SRFBP1: variants seen among roughly 807,000 people sequenced by gnomAD.
SRFBP1 encodes the protein serum response factor binding protein 1.
Under a neutral mutation model 45.5 loss-of-function variants are expected in SRFBP1, and 47 were observed. The ratio of observed to expected loss-of-function variants is 1.03; its 90% CI spans 0.82 to 1.32. SRFBP1 has a LOEUF of 1.32. Among genes scored for constraint, SRFBP1 ranks in the 40% most tolerant of loss-of-function variants. The pLI is 0.00. For missense variants in SRFBP1, 621 were observed against 484.6 expected (o/e 1.28, Z -2.64); for synonymous variants, 203 against 166.3 (o/e 1.22, Z -1.70).
chr5:122,034,147 TG>T (rs1213114401), intron 2 of SRFBP1, among the ~76,000 whole-genome samples: 4 of 152,292 alleles, frequency 2.6e-5, no homozygotes, highest in Middle Eastern at 3.4e-3. Context: ...TCTAAATAAT[TG>T]TTTTAGGTGT....
intron 2 of SRFBP1, among the ~76,000 whole-genome samples, chr5:122,059,614 A>G (rs536592859): frequency 6.6e-6 from 1 of 152,136 alleles, no homozygotes; most frequent in African/African-American, 2.4e-5. Flanking sequence ...ACTACTTGTT[A>G]CTCTCATTCA....
At chr5:122,074,851 C>CT (rs1561419773) in intron 2 of SRFBP1, among the ~76,000 whole-genome samples, 1 of 152,114 alleles carries the variant, frequency 6.6e-6, no homozygotes, top group East Asian at 1.9e-4. Context: ...TGAGGATTTC[C>CT]TGAAAATAAA....
intron 4 of SRFBP1, among the ~76,000 whole-genome samples, chr5:122,003,518 G>A (rs1374470535): frequency 6.6e-6 from 1 of 151,944 alleles, no homozygotes; most frequent in African/African-American, 2.4e-5. Flanking sequence ...TTGGTTTTTT[G>A]CCATATATGT....
At chr5:121,991,959 T>C (rs959325025) in intron 3 of SRFBP1, among the ~76,000 whole-genome samples, 1 of 152,202 alleles carries the variant, frequency 6.6e-6, no homozygotes, top group African/African-American at 2.4e-5. Flanking sequence ...AAGGTAAATG[T>C]CTAATTATTG....
At chr5:122,076,952 G>A (rs1754655630), downstream of SRFBP1, 5 of 1,613,898 alleles carry the variant, frequency 3.1e-6, no homozygotes, top group African/African-American at 4.0e-5. Flanking sequence ...TCTTCTGCAC[G>A]TACGTGGACG....
intron 4 of SRFBP1, among the ~76,000 whole-genome samples, chr5:122,001,068 T>C (rs1752855535): frequency 6.6e-6 from 1 of 152,110 alleles, no homozygotes; most frequent in Non-Finnish European, 1.5e-5. Flanking sequence ...TCCAAGCTCT[T>C]AAGTTTTTCT....
intron 4 of SRFBP1, among the ~76,000 whole-genome samples, chr5:121,999,233 T>C (rs1325517001): frequency 6.6e-6 from 1 of 152,180 alleles, no homozygotes; most frequent in Non-Finnish European, 1.5e-5. Flanking sequence ...TGATTCATGG[T>C]TTAATTCGAA....
chr5:121,982,168 T>C (rs1285802796), intron 3 of SRFBP1, among the ~76,000 whole-genome samples: 1 of 151,966 alleles, frequency 6.6e-6, no homozygotes, highest in African/African-American at 2.4e-5. Context: ...ACCATATAAC[T>C]TCAAATTTAA....
In SRFBP1 at chr5:122,052,880, T is replaced by C. The variant is rs115729313; in HGVS notation, n.312-22435T>C. 1.5e-3 allele frequency among the ~76,000 whole-genome samples: 227 copies of C among 152,286 alleles called. 1 individual carries two copies. Among genetic ancestry groups the C allele is most frequent in the African/African-American group, 5.3e-3 (221 of 41,568 alleles). ...TCATTTGTATGGGCTGATGTTCCTTTAGTCTTTGAAGCTGCTGTCCTTTCG... is the reference window on the plus strand; with the variant it reads ...TCATTTGTATGGGCTGATGTTCCTTCAGTCTTTGAAGCTGCTGTCCTTTCG... On this transcript the variant is annotated intron_variant and non_coding_transcript_variant, in intron 2 of 2. Transcript: ENST00000504881.
At chr5:122,016,625 G>A (rs1198111007) in intron 4 of SRFBP1, among the ~76,000 whole-genome samples, 2 of 152,054 alleles carry the variant, frequency 1.3e-5, no homozygotes, top group Non-Finnish European at 2.9e-5. Flanking sequence ...CTATATTCTA[G>A]CTTTTAATAC....
chr5:122,041,283 G>C (rs2112730187), intron 2 of SRFBP1, among the ~76,000 whole-genome samples: 1 of 152,208 alleles, frequency 6.6e-6, no homozygotes, highest in African/African-American at 2.4e-5. Flanking sequence ...TAGAGTAATT[G>C]AAATAAGAAA....
In SRFBP1 at chr5:121,962,062, T is replaced by TA; in HGVS notation, c.32dup (p.Asn11LysfsTer35). On this transcript the variant is annotated frameshift_variant, in exon 1 of 8. Transcript: ENST00000339397. LOFTEE classifies it high-confidence loss of function. Reference sequence around the variant, plus strand: ...CTCAGCCGGGAACTCTGAACCTCAATAACGAGGTGAGCGCCGAGGAACCTA... The same window carrying TA: ...CTCAGCCGGGAACTCTGAACCTCAATAAACGAGGTGAGCGCCGAGGAACCTA... 6.2e-7 allele frequency: 1 copy of TA among 1,614,044 alleles called. No individual in the cohort carries two copies. Among genetic ancestry groups the TA allele is most frequent in the Non-Finnish European group, 8.5e-7 (1 of 1,180,020 alleles).
intron 7 of SRFBP1, among the ~76,000 whole-genome samples, chr5:122,024,953 GTTT>G (rs556012127): frequency 1.1e-4 from 16 of 151,170 alleles, no homozygotes; most frequent in Admixed American, 9.9e-4. Flanking sequence ...GTTTTGTTTT[GTTT>G]TTTTTATTTT....
At chr5:122,051,327 A>G (rs757222046) in intron 2 of SRFBP1, among the ~76,000 whole-genome samples, 19 of 151,962 alleles carry the variant, frequency 1.3e-4, no homozygotes, top group Non-Finnish European at 1.8e-4. Context: ...TTCTGCCTCA[A>G]TAATCTGTCT....
chr5:122,052,245 A>G (rs1280963379), intron 2 of SRFBP1, among the ~76,000 whole-genome samples: 1 of 151,930 alleles, frequency 6.6e-6, no homozygotes, highest in African/African-American at 2.4e-5. Context: ...GTCTTGTATA[A>G]TCTCTCACAG....
downstream of SRFBP1, chr5:122,077,608 T>G: frequency 6.2e-7 from 1 of 1,612,328 alleles, no homozygotes; most frequent in Non-Finnish European, 8.5e-7. The surrounding 1 kb of genome is among the most constrained non-coding windows in gnomAD (Gnocchi z 4.9). Context: ...AGTAGCCAGC[T>G]TGGAACCAGT....
intron 5 of SRFBP1, among the ~76,000 whole-genome samples, chr5:122,019,585 A>C (rs1440645990): frequency 2.0e-5 from 3 of 151,010 alleles, no homozygotes; most frequent in Non-Finnish European, 4.4e-5. Flanking sequence ...TTTATATATA[A>C]TATATACAAG....
At chr5:122,077,315 C>A (rs970571424), downstream of SRFBP1, 10 of 1,612,440 alleles carry the variant, frequency 6.2e-6, no homozygotes, top group Non-Finnish European at 7.6e-6. The surrounding 1 kb of genome is among the most constrained non-coding windows in gnomAD (Gnocchi z 4.9). Flanking sequence ...AGCTGGGGAC[C>A]AGGTGCACGG....
At chr5:121,978,228 A>G (rs932718152) in intron 3 of SRFBP1, among the ~76,000 whole-genome samples, 10 of 152,186 alleles carry the variant, frequency 6.6e-5, no homozygotes, top group Admixed American at 6.5e-5. Flanking sequence ...TCCCTGTCTT[A>G]CAGAATAAGA....
Sources: allele counts gnomAD v4.1 joint callset (sites outside exome capture counted in the v4.1 genomes callset), GRCh38; gene constraint gnomAD v4.1.1; non-coding constraint Gnocchi (gnomAD v3.1); transcripts MANE v1.5; gene names NCBI Gene and HGNC (gene_info 2026-07-23, HGNC 2026-07-21).